NFIC: variants seen among roughly 807,000 people sequenced by gnomAD.
NFIC encodes nuclear factor 1 C-type.
A neutral mutation model predicts 54.4 loss-of-function variants in NFIC; 12 were observed. The ratio of observed to expected loss-of-function variants is 0.22; its 90% CI spans 0.14 to 0.36. The LOEUF (loss-of-function observed/expected upper bound fraction) is 0.36. NFIC is among the 10% of genes least tolerant of loss of function. NFIC has a pLI of 1.00. For missense variants in NFIC, 575 were observed against 718.2 expected (o/e 0.80, Z 2.28); for synonymous variants, 322 against 319.2 (o/e 1.01, Z -0.09).
intron 2 of NFIC, among the ~76,000 whole-genome samples, chr19:3,391,043 A>G (rs2081369204): frequency 6.6e-6 from 1 of 152,138 alleles, no homozygotes; most frequent in Non-Finnish European, 1.5e-5. Context: ...TAAGGCCAGG[A>G]GTTCGAGACC....
intron 2 of NFIC, among the ~76,000 whole-genome samples, chr19:3,421,677 G>C (rs1451941793): frequency 6.6e-6 from 1 of 152,244 alleles, no homozygotes; most frequent in African/African-American, 2.4e-5. Flanking sequence ...TGGACACACG[G>C]TGTGTGCATA....
chr19:3,366,285 G>C (rs1296363041), upstream of NFIC, among the ~76,000 whole-genome samples: 4 of 148,804 alleles, frequency 2.7e-5, no homozygotes, highest in African/African-American at 1.0e-4. Context: ...CTCCTTTCTC[G>C]CTCGCGCCCT....
At chr19:3,385,954 G>A (rs1466290106) in intron 2 of NFIC, among the ~76,000 whole-genome samples, 1 of 151,924 alleles carries the variant, frequency 6.6e-6, no homozygotes, top group Admixed American at 6.6e-5. Flanking sequence ...TGATCCTCCC[G>A]CCTTGGCCTC....
At chr19:3,402,058 T>C (rs936539231) in intron 2 of NFIC, among the ~76,000 whole-genome samples, 1 of 151,700 alleles carries the variant, frequency 6.6e-6, no homozygotes, top group South Asian at 2.1e-4. Flanking sequence ...TTTTTTTCTT[T>C]TTTTTGAGAC....
chr19:3,434,933 G>C (rs1372043109), intron 5 of NFIC, 150 bp from the exon 6 acceptor site: 3 of 1,073,454 alleles, frequency 2.8e-6, no homozygotes, highest in Admixed American at 2.9e-5. Context: ...CGTAGGGAAC[G>C]GGCTGAACGC....
At chr19:3,422,469 G>T (rs901406540) in intron 2 of NFIC, among the ~76,000 whole-genome samples, 2 of 151,100 alleles carry the variant, frequency 1.3e-5, no homozygotes, top group Non-Finnish European at 3.0e-5. Flanking sequence ...TGTAATCCCA[G>T]CACTTTGGGA....
At chr19:3,435,665 T>TA (rs1568181465) in intron 6 of NFIC, among the ~76,000 whole-genome samples, 1 of 152,052 alleles carries the variant, frequency 6.6e-6, no homozygotes, top group African/African-American at 2.4e-5. Context: ...CTTTTTTTTT[T>TA]AACCAGGTTC....
chr19:3,422,666 G>A (rs1270687606), intron 2 of NFIC, among the ~76,000 whole-genome samples: 6 of 151,730 alleles, frequency 4.0e-5, no homozygotes, highest in African/African-American at 7.3e-5. Context: ...GCAGTGAGCC[G>A]AGATCATGCC....
intron 6 of NFIC, among the ~76,000 whole-genome samples, chr19:3,435,844 G>C (rs976006569): frequency 1.3e-5 from 2 of 150,446 alleles, no homozygotes; most frequent in Non-Finnish European, 3.0e-5. Flanking sequence ...TCTTTTTTTT[G>C]AGATGGAGTT....
At chr19:3,449,595 A>G (rs932088723) in intron 7 of NFIC, among the ~76,000 whole-genome samples, 1 of 151,824 alleles carries the variant, frequency 6.6e-6, no homozygotes, top group African/African-American at 2.4e-5. Flanking sequence ...CCCCATCTCT[A>G]CTAAAAATAC....
intron 6 of NFIC, among the ~76,000 whole-genome samples, chr19:3,444,374 G>A (rs2159323): frequency 6.6e-6 from 1 of 152,222 alleles, no homozygotes. Context: ...ATGCCGGGAG[G>A]GGCGTATGGA....
At chr19:3,365,404 T>G (rs1225201536), upstream of NFIC, among the ~76,000 whole-genome samples, 1 of 152,206 alleles carries the variant, frequency 6.6e-6, no homozygotes, top group Non-Finnish European at 1.5e-5. Flanking sequence ...AGCCACTTTA[T>G]AGGGGAGAAC....
chr19:3,451,442 G>C (rs2082460930), intron 7 of NFIC, among the ~76,000 whole-genome samples: 1 of 152,030 alleles, frequency 6.6e-6, no homozygotes. Context: ...AGACCAGCTT[G>C]GGCAACATGA....
chr19:3,426,020 C>T (rs2082023101), intron 3 of NFIC, among the ~76,000 whole-genome samples: 2 of 140,760 alleles, frequency 1.4e-5, no homozygotes, highest in South Asian at 4.8e-4. Flanking sequence ...CTGCATCCTC[C>T]ATCTCCTGGG....
chr19:3,462,740 T>C lies in NFIC; in HGVS notation c.1510-12T>C. The C allele has an allele frequency of 6.2e-7, 1 of 1,613,862 alleles. No homozygotes were observed. The highest frequency in any genetic ancestry group is 8.5e-7 in the Non-Finnish European group (1 of 1,179,954). ...TCTCTCTCCCTCTTTCTGTCGCCAC[T>C]GGGCCACTCAGTCCTGGTATCTGGG... On this transcript the variant is annotated splice_polypyrimidine_tract_variant and intron_variant, in intron 10 of 10. Transcript: ENST00000443272.
At position 3,373,801 on chromosome 19, in the gene NFIC, C is replaced by G. The variant is rs555161103; in HGVS notation, c.30+7135C>G. ...GCCGAGCCCAGGTCCCTGCCAAGTCCTCGGCACCCTACCTGGGACCGGCAT... is the reference window on the plus strand; with the variant it reads ...GCCGAGCCCAGGTCCCTGCCAAGTCGTCGGCACCCTACCTGGGACCGGCAT... On this transcript the variant is annotated intron_variant, in intron 1 of 10. Transcript: ENST00000443272. 7.9e-5 allele frequency among the ~76,000 whole-genome samples: 12 copies of G among 152,312 alleles called. No individual in the cohort carries two copies. The South Asian group carries it at 2.5e-3, about 32-fold the overall frequency.
At chr19:3,367,347 CGATTCTGGATTCTG>C (rs574903375) in intron 1 of NFIC, among the ~76,000 whole-genome samples, 2,710 of 152,304 alleles carry the variant, frequency 0.018, 45 homozygotes, top group South Asian at 0.043. Flanking sequence ...TTCGCTGCAT[CGATTCTGGATTCTG>C]GATTCTGGAT....
intron 9 of NFIC, among the ~76,000 whole-genome samples, chr19:3,455,658 A>T (rs973357475): frequency 1.3e-5 from 2 of 150,548 alleles, no homozygotes; most frequent in Non-Finnish European, 3.0e-5. Context: ...TTTACAGTAG[A>T]CACTTAATAG....
Position 3,451,626 on chromosome 19 carries a change from A to G in NFIC, c.1085-856A>G, listed in dbSNP as rs188118013. On this transcript the variant is annotated intron_variant, in intron 7 of 10. Transcript: ENST00000443272. ...AGCCTGGGTGACAAAGCGAGATTCT[A>G]TCTCTTAAAAAAAAAAAAAAAAGAT... Among the ~76,000 whole-genome samples, 1,162 of 139,696 alleles carry G rather than the reference A, an allele frequency of 8.3e-3. 20 individuals carry two copies. Among genetic ancestry groups the G allele is most frequent in the African/African-American group, 0.033 (1,078 of 32,508 alleles). The allele number at this position is 139,696 out of a possible 152,430, so 91.6% of individuals were successfully genotyped here.
Sources: gnomAD v4.1 joint callset for allele counts (sites outside exome capture counted in the v4.1 genomes callset) on GRCh38, gnomAD v4.1.1 for gene constraint, MANE v1.5 for transcripts, NCBI Gene and HGNC (gene_info 2026-07-23, HGNC 2026-07-21) for gene names.